The following SORBS2 variants were observed in gnomAD, a reference collection of about 807,000 sequenced individuals.
The protein encoded by SORBS2 is sorbin and SH3 domain-containing protein 2.
Under a neutral mutation model 97.7 loss-of-function variants are expected in SORBS2, and 46 were observed. The observed-to-expected ratio is 0.47, with a 90% CI of 0.37 to 0.60. The LOEUF (loss-of-function observed/expected upper bound fraction) is 0.60, where lower values mean the gene tolerates loss of function less well. SORBS2 is among the 20% of genes least tolerant of loss of function. The pLI, the probability that SORBS2 is intolerant of heterozygous loss-of-function variation, is 0.00. For synonymous variants in SORBS2, 476 were observed against 473.4 expected, an observed-to-expected ratio of 1.01 and a Z score of -0.07; for missense variants, 1,316 against 1,282.3, an observed-to-expected ratio of 1.03 and a Z score of -0.40.
intron 1 of SORBS2, among the ~76,000 whole-genome samples, chr4:185,856,432 A>T (rs78470908): frequency 0.044 from 6,684 of 152,284 alleles, 195 homozygotes; most frequent in Non-Finnish European, 0.067. Flanking sequence ...GACACACAAT[A>T]GAAGTCACTT....
chr4:185,625,083 T>A (rs2096788237), intron 6 of SORBS2, among the ~76,000 whole-genome samples: 3 of 152,250 alleles, frequency 2.0e-5, no homozygotes, highest in Admixed American at 2.0e-4. Context: ...ATCAAAATGC[T>A]GTGAACTATT....
intron 2 of SORBS2, among the ~76,000 whole-genome samples, chr4:185,751,888 T>C (rs1006058633): frequency 6.6e-6 from 1 of 152,108 alleles, no homozygotes; most frequent in African/African-American, 2.4e-5. Flanking sequence ...TGTTATTATC[T>C]AGGATAGTGG....
chr4:185,931,135 T>C (rs558919411), intron 1 of SORBS2, among the ~76,000 whole-genome samples: 6 of 152,312 alleles, frequency 3.9e-5, no homozygotes, highest in African/African-American at 4.8e-5. Flanking sequence ...TAATTTATCA[T>C]TATGATTCAT....
At chr4:185,723,217 C>T (rs1308482641) in intron 2 of SORBS2, among the ~76,000 whole-genome samples, 1 of 152,184 alleles carries the variant, frequency 6.6e-6, no homozygotes, top group Non-Finnish European at 1.5e-5. Context: ...GCCATAGAGG[C>T]AAGCACCTGA....
At chr4:185,942,357 C>CTT (rs141053685) in intron 1 of SORBS2, among the ~76,000 whole-genome samples, 18,798 of 147,798 alleles carry the variant, frequency 0.13, 1,425 homozygotes, top group Middle Eastern at 0.25. Context: ...TTTATATTTT[C>CTT]TTTTTTTTTT....
intron 2 of SORBS2, among the ~76,000 whole-genome samples, chr4:185,721,081 A>ATCCTTTT (rs2098509383): frequency 1.4e-5 from 1 of 69,598 alleles, no homozygotes; most frequent in African/African-American, 5.9e-5. Context: ...TTTCCCACCT[A>ATCCTTTT]TTCTTTTTTT....
chr4:185,662,236 T>C (rs1286729005), exon 5 of SORBS2: 4 of 1,607,116 alleles, frequency 2.5e-6, no homozygotes, highest in Non-Finnish European at 3.4e-6. Context: ...TTCACTGTTA[T>C]CTGGCTCTGA....
intron 2 of SORBS2, among the ~76,000 whole-genome samples, chr4:185,707,707 G>A (rs1201322475): frequency 2.0e-5 from 3 of 152,104 alleles, no homozygotes; most frequent in Admixed American, 1.3e-4. Flanking sequence ...CCACATGGCT[G>A]GGGAGGCCTC....
chr4:185,602,700 C>G (rs1235805651), intron 12 of SORBS2, among the ~76,000 whole-genome samples: 1 of 152,144 alleles, frequency 6.6e-6, no homozygotes, highest in Non-Finnish European at 1.5e-5. Flanking sequence ...CAATGAGCAT[C>G]AGCATTCTTG....
upstream of SORBS2, among the ~76,000 whole-genome samples, chr4:185,660,321 A>G (rs1286887104): frequency 6.6e-6 from 1 of 152,220 alleles, no homozygotes; most frequent in Non-Finnish European, 1.5e-5. Context: ...TAATTTGTCG[A>G]GTTTTACTTT....
At chr4:185,658,943 T>C (rs1371761200), upstream of SORBS2, among the ~76,000 whole-genome samples, 2 of 152,076 alleles carry the variant, frequency 1.3e-5, no homozygotes, top group Non-Finnish European at 2.9e-5. Context: ...CCTGACCTCA[T>C]GATCCGCCCG....
intron 1 of SORBS2, among the ~76,000 whole-genome samples, chr4:185,794,081 GAAAA>G (rs200897376): frequency 6.6e-6 from 1 of 150,636 alleles, no homozygotes; most frequent in Non-Finnish European, 1.5e-5. Context: ...TTTTTTAAAA[GAAAA>G]AAAAATACTG....
intron 1 of SORBS2, among the ~76,000 whole-genome samples, chr4:185,795,171 GC>G (rs2099099031): frequency 6.6e-6 from 1 of 152,114 alleles, no homozygotes; most frequent in Non-Finnish European, 1.5e-5. Flanking sequence ...TTTTGGAATT[GC>G]CTTTTCATCT....
chr4:185,624,086 C>A, exon 7 of SORBS2: 2 of 1,614,176 alleles, frequency 1.2e-6, no homozygotes, highest in African/African-American at 1.3e-5. Flanking sequence ...CGGGGCGTTG[C>A]GGGCTGACCT....
intron 2 of SORBS2, among the ~76,000 whole-genome samples, chr4:185,743,154 TA>T (rs1221182147): frequency 2.0e-5 from 3 of 152,234 alleles, no homozygotes; most frequent in African/African-American, 7.2e-5. Flanking sequence ...TTGTCCTTTT[TA>T]AATTATATTT....
chr4:185,907,841 G>A (rs561280944), intron 1 of SORBS2, among the ~76,000 whole-genome samples: 1 of 152,176 alleles, frequency 6.6e-6, no homozygotes, highest in South Asian at 2.1e-4. Flanking sequence ...GTACAAATGT[G>A]CCTTTGGTTT....
rs574397581 is a variant in SORBS2, at chr4:185,928,275, G to A, written c.-338+27921C>T. Among the ~76,000 whole-genome samples the A allele has an allele frequency of 4.1e-3, 631 of 152,184 alleles. 3 individuals carry two copies. Among genetic ancestry groups the A allele is most frequent in the African/African-American group, 0.015 (610 of 41,524 alleles). On this transcript the variant is annotated intron_variant, in intron 1 of 20. Coordinates refer to the SORBS2 transcript ENST00000284776. ...AAAAATTATTTGGGAGTGGTGGTATGTGCCTGTGGTCCCAGCTCATTGGGA... is the reference window on the plus strand; with the variant it reads ...AAAAATTATTTGGGAGTGGTGGTATATGCCTGTGGTCCCAGCTCATTGGGA...
At chr4:185,912,186 A>G (rs920677317) in intron 1 of SORBS2, among the ~76,000 whole-genome samples, 1 of 152,136 alleles carries the variant, frequency 6.6e-6, no homozygotes, top group South Asian at 2.1e-4. Flanking sequence ...TTCTTTTCTC[A>G]GTGGTGTGTA....
At chr4:185,662,357 T>C in intron 4 of SORBS2, 115 bp from the exon 8 acceptor site, 1 of 1,067,580 alleles carries the variant, frequency 9.4e-7, no homozygotes, top group Non-Finnish European at 1.3e-6. Flanking sequence ...GCTGCCAAGC[T>C]CTTATTTATT....
Sources: gnomAD v4.1 joint callset for allele counts (sites outside exome capture counted in the v4.1 genomes callset) on GRCh38, gnomAD v4.1.1 for gene constraint, MANE v1.5 for transcripts, NCBI Gene and HGNC (gene_info 2026-07-23, HGNC 2026-07-21) for gene names.